The following SPTBN1 variants were observed in gnomAD, a reference collection of about 807,000 sequenced individuals.
The protein encoded by SPTBN1 is spectrin beta chain, non-erythrocytic 1.
In SPTBN1, 32 loss-of-function variants were observed where a neutral mutation model predicts 266.4. The observed-to-expected ratio is 0.12, with a 90% confidence interval of 0.09 to 0.16. SPTBN1 has a LOEUF of 0.16. Ranked by LOEUF, SPTBN1 falls within the 10% of genes least tolerant of loss-of-function variation. SPTBN1 has a pLI of 1.00. For missense variants in SPTBN1, 2,296 were observed against 3,067.1 expected (o/e 0.75, Z 5.94); for synonymous variants, 1,336 against 1,162.2 (o/e 1.15, Z -3.04).
intron 1 of SPTBN1, among the ~76,000 whole-genome samples, chr2:54,511,374 A>T (rs902876486): frequency 1.3e-5 from 2 of 152,158 alleles, no homozygotes; most frequent in Non-Finnish European, 2.9e-5. Context: ...TTTTGTTTTT[A>T]AAAATTTTTT....
In SPTBN1 at chr2:54,632,593, C is replaced by T. The variant is rs756016655; in HGVS notation, c.3592C>T (p.Pro1198Ser). The change falls in exon 17 of 36, where the codon CCT (proline) becomes TCT (serine). Residue 1198 changes from proline (P) to serine (S), a missense_variant. Pro to Ser is a moderately conservative substitution (Grantham distance 74). Transcript: ENST00000356805. ...GTATGTTCTGGCTCACACTGAAATGCCTACCACCTTGGAAGGAGCTGAAGC... is the reference window on the plus strand; with the variant it reads ...GTATGTTCTGGCTCACACTGAAATGTCTACCACCTTGGAAGGAGCTGAAGC... ...QEYVLAHTEM[P>S]TTLEGAEAAI... 1 of 1,614,080 alleles carries T rather than the reference C, an allele frequency of 6.2e-7. No homozygotes were observed. The highest frequency in any genetic ancestry group is 1.3e-5 in the African/African-American group (1 of 74,916).
chr2:54,610,474 A>C, intron 3 of SPTBN1, among the ~76,000 whole-genome samples: 1 of 152,104 alleles, frequency 6.6e-6, no homozygotes, highest in Admixed American at 6.6e-5. Context: ...CATGTTGTCC[A>C]GGCTGGTCTC....
At chr2:54,541,494 T>A (rs1450609778) in intron 2 of SPTBN1, among the ~76,000 whole-genome samples, 1 of 152,252 alleles carries the variant, frequency 6.6e-6, no homozygotes, top group East Asian at 1.9e-4. Flanking sequence ...AATTAACAGT[T>A]GTTCCCGTGC....
intron 2 of SPTBN1, among the ~76,000 whole-genome samples, chr2:54,532,116 C>T (rs1315759924): frequency 6.6e-6 from 1 of 152,102 alleles, no homozygotes; most frequent in Non-Finnish European, 1.5e-5. Context: ...AGCGAAACCC[C>T]ATCTCTGCTA....
chr2:54,573,624 G>A (rs1260674374), intron 2 of SPTBN1, among the ~76,000 whole-genome samples: 1 of 152,204 alleles, frequency 6.6e-6, no homozygotes, highest in Non-Finnish European at 1.5e-5. Context: ...GGAATTCACA[G>A]TGTAACTCAT....
chr2:54,624,097 A>T (rs1678169718), intron 10 of SPTBN1, among the ~76,000 whole-genome samples: 1 of 152,210 alleles, frequency 6.6e-6, no homozygotes, highest in Admixed American at 6.5e-5. Context: ...AAATTCTAGA[A>T]CTTTGGTCAC....
At chr2:54,482,386 A>G (rs1479221800) in intron 1 of SPTBN1, among the ~76,000 whole-genome samples, 1 of 152,076 alleles carries the variant, frequency 6.6e-6, no homozygotes, top group African/African-American at 2.4e-5. Context: ...AATTAGAAAC[A>G]ATTAGAGAAA....
At chr2:54,557,045 A>G (rs565208502) in intron 2 of SPTBN1, among the ~76,000 whole-genome samples, 1 of 152,342 alleles carries the variant, frequency 6.6e-6, no homozygotes, top group Non-Finnish European at 1.5e-5. Flanking sequence ...ATCTTAGATG[A>G]TAAGAAATGT....
chr2:54,517,344 A>C (rs1217534361), intron 1 of SPTBN1, among the ~76,000 whole-genome samples: 1 of 151,234 alleles, frequency 6.6e-6, no homozygotes, highest in Non-Finnish European at 1.5e-5. Flanking sequence ...TTCATATGTT[A>C]ATAGAGATAC....
At chr2:54,636,893 C>T (rs17046061) in intron 17 of SPTBN1, among the ~76,000 whole-genome samples, 22,726 of 152,214 alleles carry the variant, frequency 0.15, 1,791 homozygotes, top group Middle Eastern at 0.21. Context: ...GGAAATGAAG[C>T]TCTCCGCTAT....
At chr2:54,491,163 CTT>C (rs1213220671) in intron 1 of SPTBN1, among the ~76,000 whole-genome samples, 1 of 152,164 alleles carries the variant, frequency 6.6e-6, no homozygotes, top group Non-Finnish European at 1.5e-5. Flanking sequence ...CAAGGTTAGA[CTT>C]TGTAAATTTT....
rs1409134770 is a variant in SPTBN1, at chr2:54,669,274, C to A, written c.*705C>A. The A allele has an allele frequency of 6.8e-6, 1 of 147,294 alleles. No individual in the cohort carries two copies. Among genetic ancestry groups the A allele is most frequent in the Non-Finnish European group, 1.5e-5 (1 of 67,292 alleles). The allele number at this position is 147,294 out of a possible 1,614,324, so 9.1% of individuals were successfully genotyped here. On this transcript the variant is annotated 3_prime_UTR_variant, in exon 36 of 36. Coordinates refer to ENST00000356805, the MANE Select transcript of SPTBN1 (RefSeq NM_003128.3). ...TTTTGCTGAAATACATTATATTGTA[C>A]GTTTGAGATAATTCTAGTACAAAGT...
At chr2:54,657,693 CA>C in intron 29 of SPTBN1, 156 bp from the exon 30 acceptor site, 3 of 811,212 alleles carry the variant, frequency 3.7e-6, no homozygotes, top group Non-Finnish European at 5.7e-6. Context: ...AAGTGTGGCT[CA>C]CATTACATTT....
chr2:54,570,713 A>G (rs937314928), intron 2 of SPTBN1, among the ~76,000 whole-genome samples: 10 of 152,228 alleles, frequency 6.6e-5, no homozygotes, highest in African/African-American at 2.4e-4. Flanking sequence ...AAGATTGTAG[A>G]AGACCAAACA....
At chr2:54,652,068 C>G (rs1680334041) in intron 26 of SPTBN1, among the ~76,000 whole-genome samples, 2 of 152,120 alleles carry the variant, frequency 1.3e-5, no homozygotes, top group Admixed American at 6.5e-5. Context: ...TCTAAAAGCT[C>G]TCATAATCCA....
chr2:54,624,711 T>G, intron 10 of SPTBN1, 93 bp from the exon 11 acceptor site: 29 of 1,539,642 alleles, frequency 1.9e-5, no homozygotes, highest in Non-Finnish European at 2.3e-5. Flanking sequence ...CAGGTCCTTT[T>G]GAGAAATATT....
At chr2:54,514,750 T>C (rs1470528654) in intron 1 of SPTBN1, among the ~76,000 whole-genome samples, 3 of 152,324 alleles carry the variant, frequency 2.0e-5, no homozygotes, top group African/African-American at 7.2e-5. Context: ...GAAACTGCCG[T>C]TGCAAAACTC....
In SPTBN1 at chr2:54,623,517, C is replaced by A. The variant is rs1247119948; in HGVS notation, c.1103C>A (p.Thr368Asn). The change falls in exon 10 of 36, where the codon ACC (threonine) becomes AAC (asparagine). Residue 368 changes from threonine to asparagine, a missense_variant. By Grantham distance (65) the Thr-to-Asn change is moderately conservative. This residue lies in a region of SPTBN1 where 148 missense variants were observed against 203.8 expected (regional missense o/e 0.73). Coordinates refer to ENST00000356805, the MANE Select transcript of SPTBN1 (RefSeq NM_003128.3). ...GGGAACTTGGAAGTGCTGCTCTTCA[C>A]CATTCAGAGCAAGATGAGGGCCAAC... ...EKGNLEVLLF[T>N]IQSKMRANNQ... 6.2e-7 allele frequency: 1 copy of A among 1,614,028 alleles called. No homozygotes were observed. Among genetic ancestry groups the A allele is most frequent in the Non-Finnish European group, 8.5e-7 (1 of 1,180,008 alleles).
intron 2 of SPTBN1, among the ~76,000 whole-genome samples, chr2:54,597,276 C>G (rs1676151368): frequency 6.6e-6 from 1 of 152,180 alleles, no homozygotes; most frequent in Non-Finnish European, 1.5e-5. Context: ...CCAAGCTTAG[C>G]CCCAGAATTA....
Sources: allele counts gnomAD v4.1 joint callset (sites outside exome capture counted in the v4.1 genomes callset), GRCh38; gene constraint gnomAD v4.1.1; regional missense constraint gnomAD v4.1.1; transcripts MANE v1.5; gene names NCBI Gene and HGNC (gene_info 2026-07-23, HGNC 2026-07-21).